Variants in NHS observed in about 807,000 individuals in gnomAD.
NHS encodes actin remodeling regulator NHS.
NHS carries 5 observed loss-of-function variants against 72.5 expected under a neutral mutation model. That is an observed-to-expected ratio of 0.07 (90% CI 0.04 to 0.14). NHS has a LOEUF of 0.14. Among genes scored for constraint, NHS ranks in the 10% least tolerant of loss-of-function variants. The pLI, the probability that NHS is intolerant of heterozygous loss-of-function variation, is 1.00. For synonymous variants in NHS, 464 were observed against 547.7 expected, an observed-to-expected ratio of 0.85 and a Z score of 2.13; for missense variants, 1,072 against 1,355.7, an observed-to-expected ratio of 0.79 and a Z score of 3.29.
chrX:17,470,269 A>T (rs146879260), intron 1 of NHS, among the ~76,000 whole-genome samples: 1,153 of 110,371 alleles, frequency 0.01, 15 homozygotes, highest in African/African-American at 0.036. Flanking sequence ...CTGCTCCCTT[A>T]ATTATCCAAA....
intron 1 of NHS, among the ~76,000 whole-genome samples, chrX:17,445,685 T>A (rs1403866568): frequency 9.5e-6 from 1 of 105,555 alleles, no homozygotes; most frequent in Non-Finnish European, 1.9e-5. Context: ...AACAAACAAT[T>A]GCTGTCTTTG....
rs763390377 is a variant in NHS at position 17,376,145 on chromosome X, G to A, written c.388G>A (p.Ala130Thr). ...GCTGGACCTATGCGCGGTCAGCAAC[G>A]CCGCTCTGGCCCGTGTCCTCCGGCA... The part of the protein sequence containing the change: ...LMLDLCAVSN[A>T]ALARVLRQLS... The change falls in exon 1 of 9, where the codon GCC (alanine) becomes ACC (threonine). Residue 130 changes from alanine (A) to threonine (T), a missense_variant. By Grantham distance (58) the Ala-to-Thr change is moderately conservative. Coordinates refer to ENST00000676302, the MANE Select transcript of NHS (RefSeq NM_001291867.2). The A allele has an allele frequency of 1.7e-5, 20 of 1,185,386 alleles. No individual in the cohort carries two copies. The highest frequency in any genetic ancestry group is 2.1e-5 in the Non-Finnish European group (19 of 888,300).
In NHS at chrX:17,578,376, C is replaced by G. The variant is rs181368548; in HGVS notation, c.566-109366C>G. On this transcript the variant is annotated intron_variant, in intron 1 of 8. Transcript: ENST00000676302. Reference sequence around the variant, plus strand: ...ACATGTGGGTAGAGGTAGATGCCTCCTGCATCCCAGCATTGGGTTAGTTAG... The same window carrying G: ...ACATGTGGGTAGAGGTAGATGCCTCGTGCATCCCAGCATTGGGTTAGTTAG... 5.7e-4 allele frequency among the ~76,000 whole-genome samples: 64 copies of G among 112,360 alleles called. No homozygotes were observed. The East Asian group carries it at 8.7e-3, about 15-fold the overall frequency.
At chrX:17,417,993 C>T (rs1383934800) in intron 1 of NHS, among the ~76,000 whole-genome samples, 1 of 112,027 alleles carries the variant, frequency 8.9e-6, no homozygotes, top group Non-Finnish European at 1.9e-5. Context: ...TTATGCTTGA[C>T]ACCCAAGAGC....
rs151269206 is a variant in NHS at position 17,547,362 on chromosome X, G to A, written c.566-140380G>A. On this transcript the variant is annotated intron_variant, in intron 1 of 8. Coordinates refer to ENST00000676302, the MANE Select transcript of NHS (RefSeq NM_001291867.2). The stretch of plus-strand genomic sequence containing the variant: ...AGTCATCTGGATACCCCCTTTTTTC[G>A]TGTATTGAGCATCATGTTGCAGGGA... Among the ~76,000 whole-genome samples, 847 of 111,443 alleles carry A rather than the reference G, an allele frequency of 7.6e-3. 8 individuals are homozygous for A. Among genetic ancestry groups the A allele is most frequent in the South Asian group, 0.043 (114 of 2,657 alleles).
chrX:17,715,173 G>A (rs914297725), intron 3 of NHS, among the ~76,000 whole-genome samples: 1 of 111,329 alleles, frequency 9.0e-6, no homozygotes, highest in African/African-American at 3.3e-5. Flanking sequence ...CCCTGACCTT[G>A]CTCCCAAAGT....
At chrX:17,571,119 G>T (rs1017885168) in intron 1 of NHS, among the ~76,000 whole-genome samples, 1 of 111,907 alleles carries the variant, frequency 8.9e-6, no homozygotes, top group Non-Finnish European at 1.9e-5. Flanking sequence ...GGGGATACTG[G>T]CCTAAAATTC....
chrX:17,675,143 A>G (rs747510059), intron 1 of NHS, among the ~76,000 whole-genome samples: 1 of 112,274 alleles, frequency 8.9e-6, no homozygotes, highest in Admixed American at 9.4e-5. Flanking sequence ...ACCTTCAGTC[A>G]TTTCATGTGA....
intron 1 of NHS, among the ~76,000 whole-genome samples, chrX:17,503,494 A>C (rs1390109679): frequency 8.9e-6 from 1 of 111,736 alleles, no homozygotes; most frequent in African/African-American, 3.3e-5. Flanking sequence ...GACTACTGCT[A>C]TCTTCATTTT....
chrX:17,595,164 T>C (rs763655347), intron 1 of NHS, among the ~76,000 whole-genome samples: 1 of 112,014 alleles, frequency 8.9e-6, no homozygotes, highest in South Asian at 3.8e-4. Flanking sequence ...ATTTTGGCTC[T>C]TCTCATTCAG....
At chrX:17,580,869 T>C (rs1373092401) in intron 1 of NHS, among the ~76,000 whole-genome samples, 1 of 112,632 alleles carries the variant, frequency 8.9e-6, no homozygotes, top group Non-Finnish European at 1.9e-5. Flanking sequence ...GAATGAAGCA[T>C]GCATGTCGGG....
chrX:17,571,837 A>G (rs2065480427), intron 1 of NHS, among the ~76,000 whole-genome samples: 1 of 112,175 alleles, frequency 8.9e-6, no homozygotes, highest in African/African-American at 3.2e-5. Flanking sequence ...CACTGCTTAA[A>G]TGTGTCCCAG....
chrX:17,454,001 A>T (rs2064816398), intron 1 of NHS, among the ~76,000 whole-genome samples: 1 of 112,116 alleles, frequency 8.9e-6, no homozygotes, highest in African/African-American at 3.2e-5. Context: ...TGGTATGTCT[A>T]TGTCTATGAG....
At chrX:17,442,839 C>G (rs757889573) in intron 1 of NHS, among the ~76,000 whole-genome samples, 2 of 112,300 alleles carry the variant, frequency 1.8e-5, no homozygotes, top group Non-Finnish European at 3.8e-5. Context: ...TAGTTATTCC[C>G]GTGTTTTCTG....
intron 1 of NHS, among the ~76,000 whole-genome samples, chrX:17,417,812 T>A (rs1054306763): frequency 8.9e-6 from 1 of 112,526 alleles, no homozygotes; most frequent in Non-Finnish European, 1.9e-5. Flanking sequence ...TTCTGTAGAA[T>A]GTTCTGTGAA....
chrX:17,482,170 G>A (rs1358864266), intron 1 of NHS, among the ~76,000 whole-genome samples: 1 of 111,975 alleles, frequency 8.9e-6, no homozygotes, highest in Non-Finnish European at 1.9e-5. Context: ...TTCATCACAT[G>A]TTCCTAAGTG....
At chrX:17,688,983 T>G (rs1187080156) in intron 2 of NHS, among the ~76,000 whole-genome samples, 1 of 111,204 alleles carries the variant, frequency 9.0e-6, no homozygotes, top group Non-Finnish European at 1.9e-5. Flanking sequence ...GTCTACACAT[T>G]CAATGTCTTT....
chrX:17,438,469 G>T (rs774180132), intron 1 of NHS, among the ~76,000 whole-genome samples: 2 of 111,872 alleles, frequency 1.8e-5, no homozygotes, highest in African/African-American at 6.5e-5. Flanking sequence ...CATCTTTAAA[G>T]GAGGTGGGGA....
At chrX:17,624,151 C>T (rs1163702831) in intron 1 of NHS, among the ~76,000 whole-genome samples, 4 of 112,354 alleles carry the variant, frequency 3.6e-5, no homozygotes, top group African/African-American at 9.7e-5. Flanking sequence ...GACAGCTCCC[C>T]GCAAGCTGCC....
Sources: gnomAD v4.1 joint callset for allele counts (sites outside exome capture counted in the v4.1 genomes callset) on GRCh38, gnomAD v4.1.1 for gene constraint, MANE v1.5 for transcripts, NCBI Gene and HGNC (gene_info 2026-07-23, HGNC 2026-07-21) for gene names.